Variants in CDK11A observed in about 807,000 individuals in gnomAD.
The protein encoded by CDK11A is cyclin-dependent kinase 11A.
In CDK11A, 55 loss-of-function variants were observed where a neutral mutation model predicts 83.6. The ratio of observed to expected loss-of-function variants is 0.66; its 90% confidence interval spans 0.53 to 0.82. CDK11A has a LOEUF of 0.82. CDK11A is among the 40% of genes least tolerant of loss of function. The pLI is 0.00. For missense variants in CDK11A, 564 were observed against 810.1 expected (o/e 0.70, Z 3.69); for synonymous variants, 247 against 302.7 (o/e 0.82, Z 1.91).
chr1:1,718,087 C>T (rs1644747164), intron 4 of CDK11A, among the ~76,000 whole-genome samples: 1 of 142,914 alleles, frequency 7.0e-6, no homozygotes, highest in African/African-American at 2.6e-5. Context: ...CACACGCACG[C>T]TTTCAGCTAG....
At position 1,719,090 on chromosome 1, in the gene CDK11A, G is replaced by A. The variant is rs78493985; in HGVS notation, c.355+238C>T. On this transcript the variant is annotated intron_variant, in intron 4 of 19. Coordinates refer to ENST00000404249, the MANE Select transcript of CDK11A (RefSeq NM_024011.4). The stretch of plus-strand genomic sequence containing the variant: ...CTCTCTCTGGTTTTCGGTCTGTGAC[G>A]CACACATGCTTTCAGCTAGAGTTTG... The A allele has an allele frequency of 2.2e-4, 59 of 273,540 alleles. 1 individual carries two copies. The highest frequency in any genetic ancestry group is 3.6e-4 in the Non-Finnish European group (53 of 145,784). 16.9% of individuals were successfully genotyped at this position (273,540 alleles called of 1,614,324 possible).
In CDK11A at chr1:1,707,585, C is replaced by G; in HGVS notation, c.1070-1G>C. On this transcript the variant is annotated splice_acceptor_variant, in intron 10 of 19. Transcript: ENST00000404249. LOFTEE classifies it high-confidence loss of function. Reference sequence around the variant, plus strand: ...TCTCGGTCGAACCGTGACTCTGGAACTGGAAAAGTTGAACCTAATTACGAA... The same window carrying G: ...TCTCGGTCGAACCGTGACTCTGGAAGTGGAAAAGTTGAACCTAATTACGAA... 6.5e-7 allele frequency: 1 copy of G among 1,544,010 alleles called. No individual in the cohort carries two copies.
In CDK11A at chr1:1,704,532, C is replaced by T. The variant is rs377383025; in HGVS notation, c.1564+18G>A. On this transcript the variant is annotated intron_variant, in intron 14 of 19. Transcript: ENST00000404249. ...GCCCCCACTTGTACGCAGACAGGACCCCGGGGCGCGGCTGTACCTGGCAGG... is the reference window on the plus strand; with the variant it reads ...GCCCCCACTTGTACGCAGACAGGACTCCGGGGCGCGGCTGTACCTGGCAGG... The T allele has an allele frequency of 1.9e-6, 3 of 1,602,884 alleles. No homozygotes were observed. The highest frequency in any genetic ancestry group is 1.1e-5 in the South Asian group (1 of 89,592).
At position 1,704,027 on chromosome 1, in the gene CDK11A, C is replaced by A. The variant is rs748513891; in HGVS notation, c.1794+12G>T. 72 of 1,598,160 alleles carry A rather than the reference C, an allele frequency of 4.5e-5. 6 individuals carry two copies. Among genetic ancestry groups the A allele is most frequent in the African/African-American group, 1.6e-4 (12 of 74,250 alleles). On this transcript the variant is annotated intron_variant, in intron 16 of 19. Transcript: ENST00000404249. The stretch of plus-strand genomic sequence containing the variant: ...GGGGGACAGGGGAGGCACTCAGACG[C>A]CCAGGACTCACCTTGGCACCAAGCA...
At chr1:1,708,460 G>C (rs367923186) in intron 9 of CDK11A, among the ~76,000 whole-genome samples, 74 of 145,636 alleles carry the variant, frequency 5.1e-4, no homozygotes, top group Non-Finnish European at 7.6e-4. Flanking sequence ...GGCCAACGTG[G>C]TGAAACCCCG....
Position 1,716,508 on chromosome 1 carries a change from A to T in CDK11A, c.356-30T>A, listed in dbSNP as rs200132561. ...TGAGAAATAAAGTGTCATGCAAAGAAACCTCACTTCAAAAATTTCACGAGG... is the reference window on the plus strand; with the variant it reads ...TGAGAAATAAAGTGTCATGCAAAGATACCTCACTTCAAAAATTTCACGAGG... On this transcript the variant is annotated intron_variant, in intron 4 of 19. Transcript: ENST00000404249. 682 of 1,601,724 alleles carry T rather than the reference A, an allele frequency of 4.3e-4. 25 individuals carry two copies. The African/African-American group carries it at 8.4e-3, about 20-fold the overall frequency.
chr1:1,718,448 G>A (rs1557798095), intron 4 of CDK11A, among the ~76,000 whole-genome samples: 1 of 149,620 alleles, frequency 6.7e-6, no homozygotes, highest in Non-Finnish European at 1.5e-5. Context: ...TGAATGGTCT[G>A]TGACACACGC....
chr1:1,722,489 C>T (rs990664487), intron 2 of CDK11A: 12 of 594,402 alleles, frequency 2.0e-5, no homozygotes, highest in South Asian at 7.0e-5. Context: ...TAACATTCAA[C>T]GTATTTTATT....
At chr1:1,721,423 G>A (rs547278426) in intron 3 of CDK11A, among the ~76,000 whole-genome samples, 173 bp downstream of exon 3, 1 of 150,904 alleles carries the variant, frequency 6.6e-6, no homozygotes, top group African/African-American at 2.4e-5. Flanking sequence ...GTAACCTTAG[G>A]AAAGAGTAAT....
intron 3 of CDK11A, among the ~76,000 whole-genome samples, chr1:1,719,973 C>G (rs1049396309): frequency 6.6e-6 from 1 of 150,562 alleles, no homozygotes; most frequent in Non-Finnish European, 1.5e-5. Context: ...GCAGATGGAA[C>G]GAAATGCCTC....
At chr1:1,706,308 G>A (rs1644308521) in intron 11 of CDK11A, among the ~76,000 whole-genome samples, 1 of 151,100 alleles carries the variant, frequency 6.6e-6, no homozygotes, top group South Asian at 2.1e-4. Flanking sequence ...CCTGACCTCT[G>A]ATCCGCCCAC....
rs1644988548 is a variant in CDK11A, at chr1:1,723,507, A to AC, written c.-13-677_-13-676insG. The stretch of plus-strand genomic sequence containing the variant: ...CCGTCTCAAAAAAAAAAAAAAAAAA[A>AC]AAAAAAAAAAAAAAAACAAGAATGA... On this transcript the variant is annotated intron_variant, in intron 1 of 19. Coordinates refer to ENST00000404249, the MANE Select transcript of CDK11A (RefSeq NM_024011.4). 4.4e-5 allele frequency among the ~76,000 whole-genome samples: 3 copies of AC among 68,594 alleles called. 1 individual carries two copies. The South Asian group carries it at 1.3e-3, about 30-fold the overall frequency. The allele number at this position is 68,594 out of a possible 152,430, so 45.0% of individuals were successfully genotyped here.
At chr1:1,717,050 C>T (rs72909017) in intron 4 of CDK11A, among the ~76,000 whole-genome samples, 3,366 of 123,646 alleles carry the variant, frequency 0.027, 211 homozygotes, top group African/African-American at 0.087. Flanking sequence ...GCCACTGCAC[C>T]CAGTCGAATA....
rs752678145 is a variant in CDK11A at position 1,703,960 on chromosome 1, G to A, written c.1795-20C>T. 3.7e-6 allele frequency: 6 copies of A among 1,609,140 alleles called. No homozygotes were observed. In the East Asian group the frequency reaches 1.1e-4, roughly 30 times the overall value. ...GTATTCCTAAGACGCCAGGAGAGGT[G>A]TTCAGGAAGGCCAGTGCCCGCGAAG... is the stretch of plus-strand genomic sequence containing the variant. On this transcript the variant is annotated intron_variant, in intron 16 of 19. Transcript: ENST00000404249.
chr1:1,722,112 C>CA (rs964644289), intron 2 of CDK11A, among the ~76,000 whole-genome samples: 9 of 148,076 alleles, frequency 6.1e-5, no homozygotes, highest in Non-Finnish European at 1.0e-4. Flanking sequence ...GTCTCAAAAA[C>CA]AAAAAAAAAG....
intron 3 of CDK11A, among the ~76,000 whole-genome samples, chr1:1,720,252 G>A (rs1209583577): frequency 4.0e-5 from 6 of 148,866 alleles, no homozygotes; most frequent in Non-Finnish European, 6.0e-5. Flanking sequence ...CCACCACCAC[G>A]CCCGGCTAAT....
chr1:1,707,053 G>C (rs1490412900), intron 11 of CDK11A, among the ~76,000 whole-genome samples: 2 of 143,206 alleles, frequency 1.4e-5, no homozygotes, highest in Non-Finnish European at 3.0e-5. Context: ...CAAGGCCTTG[G>C]TGCCTACATA....
At chr1:1,716,572 G>A in intron 4 of CDK11A, 94 bp from the exon 5 acceptor site, 1 of 1,346,192 alleles carries the variant, frequency 7.4e-7, no homozygotes, top group Non-Finnish European at 1.0e-6. Context: ...CCAGCACTTT[G>A]GGAGGCCGAG....
At chr1:1,716,088 C>T (rs887996856) in intron 5 of CDK11A, among the ~76,000 whole-genome samples, 1 of 150,586 alleles carries the variant, frequency 6.6e-6, no homozygotes, top group African/African-American at 2.4e-5. Flanking sequence ...CTGCGCCCGG[C>T]GGGACGTGCA....
Sources: allele counts gnomAD v4.1 joint callset (sites outside exome capture counted in the v4.1 genomes callset), GRCh38; gene constraint gnomAD v4.1.1; transcripts MANE v1.5; gene names NCBI Gene and HGNC (gene_info 2026-07-23, HGNC 2026-07-21).